Variants in PLCB1 observed in about 807,000 individuals in gnomAD.
The protein encoded by PLCB1 is phospholipase C beta 1.
PLCB1 carries 46 observed loss-of-function variants against 161.8 expected under a neutral mutation model. That is an observed-to-expected ratio of 0.28 (90% confidence interval 0.22 to 0.36). PLCB1 has a LOEUF of 0.36. Ranked by LOEUF, PLCB1 falls within the 10% of genes least tolerant of loss-of-function variation. The probability of loss-of-function intolerance (pLI) is 1.00; values close to 1 mark genes in which losing one functional copy is unlikely to be tolerated. For synonymous variants in PLCB1, 517 were observed against 503.7 expected (o/e 1.03, Z -0.35); for missense variants, 1,016 against 1,472.5 (o/e 0.69, Z 5.07).
chr20:8,810,029 G>A (rs1352119628), intron 31 of PLCB1, among the ~76,000 whole-genome samples: 1 of 152,134 alleles, frequency 6.6e-6, no homozygotes, highest in Non-Finnish European at 1.5e-5. Flanking sequence ...AAAGTTTTAT[G>A]TAGCAGTAAG....
chr20:8,668,811 G>T (rs1989877622), intron 9 of PLCB1, among the ~76,000 whole-genome samples: 1 of 152,178 alleles, frequency 6.6e-6, no homozygotes. Context: ...AGTCTGCTAT[G>T]ATATTATTAC....
At chr20:8,486,703 G>C (rs1007060660) in intron 3 of PLCB1, among the ~76,000 whole-genome samples, 2 of 150,946 alleles carry the variant, frequency 1.3e-5, no homozygotes, top group Admixed American at 1.3e-4. Flanking sequence ...CACCTTGTTA[G>C]CCAGGATGGT....
chr20:8,470,415 C>A (rs889688851), intron 3 of PLCB1, among the ~76,000 whole-genome samples: 4 of 152,218 alleles, frequency 2.6e-5, no homozygotes, highest in African/African-American at 9.6e-5. Context: ...CACATTCTCA[C>A]CAGCTCTTGC....
At chr20:8,664,517 A>G (rs907556719) in intron 9 of PLCB1, among the ~76,000 whole-genome samples, 1 of 152,062 alleles carries the variant, frequency 6.6e-6, no homozygotes, top group Non-Finnish European at 1.5e-5. Flanking sequence ...ATATTCTCTC[A>G]CTGTCAACAC....
At chr20:8,557,167 C>A (rs181204655) in intron 3 of PLCB1, among the ~76,000 whole-genome samples, 64 of 151,698 alleles carry the variant, frequency 4.2e-4, no homozygotes, top group Admixed American at 2.2e-3. Context: ...CATAGAGTTA[C>A]CATATAATTC....
intron 3 of PLCB1, among the ~76,000 whole-genome samples, chr20:8,621,027 C>T (rs1267980186): frequency 1.3e-5 from 2 of 152,122 alleles, no homozygotes; most frequent in Non-Finnish European, 2.9e-5. Flanking sequence ...TTAAATCTCA[C>T]CAATAAAGAA....
At chr20:8,434,015 CAGTG>C in intron 3 of PLCB1, among the ~76,000 whole-genome samples, 1 of 152,300 alleles carries the variant, frequency 6.6e-6, no homozygotes, top group Middle Eastern at 3.4e-3. Flanking sequence ...TTTTCAATCA[CAGTG>C]AGGATTAGTT....
rs576898642 is a variant in PLCB1 at position 8,814,211 on chromosome 20, A to G, written c.3423+23950A>G. On this transcript the variant is annotated intron_variant, in intron 31 of 31. Transcript: ENST00000338037. ...AAAAGGTATTGTGTGAGATTTTACA[A>G]CAGCCCAAGATGAAGAGTATAGATG... Among the ~76,000 whole-genome samples, 3 of 152,314 alleles carry G rather than the reference A, an allele frequency of 2.0e-5. No homozygotes were observed. In the East Asian group the frequency reaches 5.8e-4, roughly 29 times the overall value.
intron 3 of PLCB1, among the ~76,000 whole-genome samples, chr20:8,540,183 T>A (rs111457643): frequency 5.3e-5 from 8 of 152,326 alleles, no homozygotes; most frequent in African/African-American, 1.9e-4. Context: ...TTTTCATTTA[T>A]CTGGAAAATT....
intron 2 of PLCB1, among the ~76,000 whole-genome samples, chr20:8,319,721 T>G (rs1022536184): frequency 7.0e-4 from 6 of 8,572 alleles, no homozygotes; most frequent in Admixed American, 4.0e-3. Flanking sequence ...TTTTTCTTAT[T>G]GTGACCCCAT....
intron 3 of PLCB1, among the ~76,000 whole-genome samples, chr20:8,488,051 T>A (rs113761721): frequency 5.5e-4 from 84 of 152,316 alleles, no homozygotes; most frequent in African/African-American, 1.9e-3. Flanking sequence ...AATTCCTCTA[T>A]TCGAAGTCTT....
At chr20:8,625,662 GAGTA>G (rs1253054699) in intron 3 of PLCB1, among the ~76,000 whole-genome samples, 7 of 152,244 alleles carry the variant, frequency 4.6e-5, no homozygotes, top group African/African-American at 1.4e-4. Context: ...GGTTTCTTCT[GAGTA>G]AGTGTTTCTC....
At chr20:8,250,633 A>C (rs997831913) in intron 2 of PLCB1, among the ~76,000 whole-genome samples, 3 of 151,980 alleles carry the variant, frequency 2.0e-5, no homozygotes, top group African/African-American at 7.2e-5. Context: ...TTAAACTTTT[A>C]GTGAACTTAA....
chr20:8,785,003 A>G (rs1983415664), intron 27 of PLCB1, among the ~76,000 whole-genome samples: 1 of 152,176 alleles, frequency 6.6e-6, no homozygotes, highest in South Asian at 2.1e-4. Flanking sequence ...AACATTTATT[A>G]AGAATGGAAG....
intron 3 of PLCB1, among the ~76,000 whole-genome samples, chr20:8,410,064 C>CT (rs981121610): frequency 6.6e-6 from 1 of 152,022 alleles, no homozygotes; most frequent in Non-Finnish European, 1.5e-5. Context: ...ACTGTGTATG[C>CT]TTTTTTTCTC....
At chr20:8,386,007 G>C (rs1389340760) in intron 3 of PLCB1, among the ~76,000 whole-genome samples, 1 of 152,238 alleles carries the variant, frequency 6.6e-6, no homozygotes, top group Admixed American at 6.5e-5. Context: ...CAGCAAAGCA[G>C]TCACACCTTT....
At chr20:8,140,613 G>C (rs2051392535) in intron 1 of PLCB1, among the ~76,000 whole-genome samples, 1 of 152,088 alleles carries the variant, frequency 6.6e-6, no homozygotes, top group Non-Finnish European at 1.5e-5. Flanking sequence ...TTTGTCTTTT[G>C]CATTTCACGT....
chr20:8,655,430 G>A (rs149608689), intron 7 of PLCB1, among the ~76,000 whole-genome samples: 1 of 152,178 alleles, frequency 6.6e-6, no homozygotes, highest in African/African-American at 2.4e-5. Context: ...GCAAAGACTA[G>A]ACAGAATTGT....
intron 2 of PLCB1, among the ~76,000 whole-genome samples, chr20:8,323,895 A>C (rs1489663286): frequency 6.6e-6 from 1 of 152,102 alleles, no homozygotes; most frequent in Non-Finnish European, 1.5e-5. Context: ...TTAATGTATC[A>C]ACAATTATAA....
Sources: allele counts gnomAD v4.1 joint callset (sites outside exome capture counted in the v4.1 genomes callset), GRCh38; gene constraint gnomAD v4.1.1; transcripts MANE v1.5; gene names NCBI Gene and HGNC (gene_info 2026-07-23, HGNC 2026-07-21).